Variants in FOCAD observed in about 807,000 individuals in gnomAD.
FOCAD encodes KIAA1797.
In FOCAD, 198 loss-of-function variants were observed where a neutral mutation model predicts 225.6. That is an observed-to-expected ratio of 0.88 (90% confidence interval 0.78 to 0.99). FOCAD has a LOEUF of 0.99. FOCAD is among the 50% of genes least tolerant of loss of function. FOCAD has a pLI of 0.00. For missense variants in FOCAD, 2,713 were observed against 2,123.6 expected, an observed-to-expected ratio of 1.28 and a Z score of -5.46; for synonymous variants, 897 against 755.0, an observed-to-expected ratio of 1.19 and a Z score of -3.08.
Position 20,944,662 on chromosome 9 carries a change from C to A in FOCAD, c.3443C>A (p.Ser1148Tyr). The A allele has an allele frequency of 6.2e-7, 1 of 1,614,040 alleles. No individual in the cohort carries two copies. The highest frequency in any genetic ancestry group is 8.5e-7 in the Non-Finnish European group (1 of 1,179,946). Residue 1148 changes from serine (S) to tyrosine (Y), a missense_variant, in exon 29 of 44, where the codon TCC becomes TAC. Coordinates refer to ENST00000338382, the MANE Select transcript of FOCAD (RefSeq NM_001375567.1). Reference protein sequence around the residue: ...GCILGVGLVLSLMSHSSQMQS... With the variant: ...GCILGVGLVLYLMSHSSQMQS... ...ATATTGGGAGTTGGACTTGTTCTGT[C>A]CCTCATGAGCCACAGCAGCCAAATG...
At chr9:20,726,488 G>A (rs748034041) in intron 4 of FOCAD, 4 of 152,198 alleles carry the variant, frequency 2.6e-5, no homozygotes, top group Admixed American at 6.5e-5. Context: ...TATGCCTTTT[G>A]TGCTCTCAGA....
At chr9:20,920,800 CTG>C (rs1306332793) in intron 24 of FOCAD, among the ~76,000 whole-genome samples, 1 of 148,134 alleles carries the variant, frequency 6.8e-6, no homozygotes, top group Non-Finnish European at 1.5e-5. Context: ...ACATCACACT[CTG>C]GGGACTGTTG....
intron 15 of FOCAD, among the ~76,000 whole-genome samples, chr9:20,844,884 C>A (rs1826923094): frequency 2.6e-5 from 4 of 152,046 alleles, no homozygotes; most frequent in African/African-American, 7.2e-5. Context: ...ATTTTCCTAT[C>A]CCTTAGGTTT....
chr9:20,961,217 C>G (rs923000852), intron 35 of FOCAD, among the ~76,000 whole-genome samples: 3 of 151,878 alleles, frequency 2.0e-5, no homozygotes, highest in Non-Finnish European at 2.9e-5. Context: ...CTCCCTCTCT[C>G]TCTCTGTGTT....
At chr9:20,679,860 A>G (rs532884259), upstream of FOCAD, among the ~76,000 whole-genome samples, 1 of 151,808 alleles carries the variant, frequency 6.6e-6, no homozygotes, top group East Asian at 1.9e-4. Context: ...GCCTTCTGGA[A>G]TTAAGTCTAG....
At chr9:20,728,039 T>C (rs1054918973) in intron 4 of FOCAD, among the ~76,000 whole-genome samples, 4 of 152,224 alleles carry the variant, frequency 2.6e-5, no homozygotes, top group African/African-American at 9.6e-5. Context: ...CTGATACATG[T>C]TATTCATATA....
At chr9:20,749,206 T>G (rs1349197087) in intron 5 of FOCAD, among the ~76,000 whole-genome samples, 3 of 152,124 alleles carry the variant, frequency 2.0e-5, no homozygotes, top group Non-Finnish European at 4.4e-5. Context: ...AAAGGTTCAT[T>G]GTTGGGGGAG....
chr9:20,663,634 A>G (rs1821806338), intron 2 of FOCAD, among the ~76,000 whole-genome samples: 1 of 152,194 alleles, frequency 6.6e-6, no homozygotes, highest in African/African-American at 2.4e-5. Context: ...TTTTCAAAGA[A>G]TTCAATATAG....
chr9:20,699,722 A>AGCAAGACTC (rs1210861644), intron 1 of FOCAD, among the ~76,000 whole-genome samples: 1 of 118,068 alleles, frequency 8.5e-6, no homozygotes, highest in Non-Finnish European at 1.7e-5. Context: ...TGGGCTACAG[A>AGCAAGACTC]GCAAGACTCC....
intron 1 of FOCAD, among the ~76,000 whole-genome samples, chr9:20,714,646 T>G (rs58567749): frequency 0.31 from 15,611 of 49,616 alleles, 931 homozygotes; most frequent in African/African-American, 0.43. Flanking sequence ...CTTCCTTCCT[T>G]CCTTCCTTCC....
At chr9:20,710,583 C>T (rs978584753) in intron 1 of FOCAD, among the ~76,000 whole-genome samples, 1 of 150,944 alleles carries the variant, frequency 6.6e-6, no homozygotes, top group African/African-American at 2.4e-5. Flanking sequence ...GCAACAAAAG[C>T]GTAACTCTGT....
chr9:20,991,812 CAAAAA>C lies in FOCAD; in HGVS notation c.5257-1422_5257-1418del, dbSNP rs58403366. ...TGGCTGACAGATTGAGACTCTGTCT[CAAAAA>C]AAAAAAAAAAAAAAAAAATTTAAAT... On this transcript the variant is annotated intron_variant, in intron 42 of 43. Coordinates refer to ENST00000338382, the MANE Select transcript of FOCAD (RefSeq NM_001375567.1). 3.4e-3 allele frequency among the ~76,000 whole-genome samples: 364 copies of C among 105,942 alleles called. 3 individuals carry two copies. The highest frequency in any genetic ancestry group is 0.012 in the African/African-American group (329 of 26,870). 69.5% of individuals were successfully genotyped at this position (105,942 alleles called of 152,430 possible).
chr9:20,788,722 G>A (rs768976205), intron 10 of FOCAD, among the ~76,000 whole-genome samples: 9 of 152,094 alleles, frequency 5.9e-5, no homozygotes, highest in East Asian at 3.9e-4. Context: ...CTCTGGCCCC[G>A]ACTGCACTGC....
chr9:20,795,919 G>T (rs1217354879), intron 11 of FOCAD, among the ~76,000 whole-genome samples: 6 of 150,880 alleles, frequency 4.0e-5, no homozygotes, highest in Non-Finnish European at 7.4e-5. Flanking sequence ...CCCCAATAAC[G>T]CGTCATTTAA....
chr9:20,932,202 T>G lies in FOCAD; in HGVS notation c.3318-812T>G, dbSNP rs57085653. Reference sequence around the variant, plus strand: ...AGGGGTGTGCGTGTGGGCATTTGTTTTTCATTGCAAAAATTCCTTCACCTT... The same window carrying G: ...AGGGGTGTGCGTGTGGGCATTTGTTGTTCATTGCAAAAATTCCTTCACCTT... On this transcript the variant is annotated intron_variant, in intron 27 of 43. Transcript: ENST00000338382. 3.0e-3 allele frequency among the ~76,000 whole-genome samples: 453 copies of G among 152,316 alleles called. 1 individual carries two copies. Among genetic ancestry groups the G allele is most frequent in the African/African-American group, 0.01 (431 of 41,570 alleles).
upstream of FOCAD, among the ~76,000 whole-genome samples, chr9:20,681,568 A>T (rs1822397716): frequency 6.6e-6 from 1 of 152,226 alleles, no homozygotes; most frequent in South Asian, 2.1e-4. Flanking sequence ...GCAACTTCTG[A>T]GATCCTTTCT....
intron 11 of FOCAD, among the ~76,000 whole-genome samples, chr9:20,815,093 G>A (rs1391757749): frequency 1.1e-5 from 1 of 92,690 alleles, no homozygotes; most frequent in Non-Finnish European, 2.3e-5. Flanking sequence ...CTCAGCTTTT[G>A]TTTATCTGGA....
chr9:20,830,780 G>C (rs929899121), intron 15 of FOCAD, among the ~76,000 whole-genome samples: 8 of 151,952 alleles, frequency 5.3e-5, no homozygotes, highest in Non-Finnish European at 1.2e-4. Flanking sequence ...GGGTGCAAGG[G>C]ATCCTCCCAC....
At chr9:20,751,267 G>A (rs1475628302) in intron 5 of FOCAD, among the ~76,000 whole-genome samples, 50 of 138,776 alleles carry the variant, frequency 3.6e-4, no homozygotes, top group East Asian at 1.1e-3. Flanking sequence ...CCACTAACTC[G>A]TCATCTAGCA....
Sources: allele counts gnomAD v4.1 joint callset (sites outside exome capture counted in the v4.1 genomes callset), GRCh38; gene constraint gnomAD v4.1.1; transcripts MANE v1.5; gene names NCBI Gene and HGNC (gene_info 2026-07-23, HGNC 2026-07-21).